Variants in CACNA1D observed in about 807,000 individuals in gnomAD.
CACNA1D encodes calcium voltage-gated channel subunit alpha1 D, also known as voltage-dependent L-type calcium channel subunit alpha-1D.
In CACNA1D, 55 loss-of-function variants were observed where a neutral mutation model predicts 257.1. The ratio of observed to expected loss-of-function variants is 0.21; its 90% CI spans 0.17 to 0.27. The LOEUF is 0.27. Among genes scored for constraint, CACNA1D ranks in the 10% least tolerant of loss-of-function variants. The pLI is 1.00. For missense variants in CACNA1D, 1,876 were observed against 2,784.0 expected (o/e 0.67, Z 7.34); for synonymous variants, 980 against 1,014.9 (o/e 0.97, Z 0.65).
At chr3:53,608,735 A>G (rs1263258202) in intron 3 of CACNA1D, among the ~76,000 whole-genome samples, 2 of 152,176 alleles carry the variant, frequency 1.3e-5, no homozygotes, top group Non-Finnish European at 2.9e-5. Context: ...TAGAATGGTC[A>G]TATGGTTTTC....
chr3:53,733,849 C>G (rs1361560126), intron 19 of CACNA1D, among the ~76,000 whole-genome samples: 2 of 150,108 alleles, frequency 1.3e-5, no homozygotes, highest in African/African-American at 4.9e-5. Flanking sequence ...CAGCTCACCA[C>G]TGTTTGGGTG....
intron 3 of CACNA1D, among the ~76,000 whole-genome samples, chr3:53,633,349 T>C (rs1054508582): frequency 9.9e-5 from 15 of 152,166 alleles, no homozygotes; most frequent in Non-Finnish European, 1.5e-5. Flanking sequence ...TTAGCCTGTG[T>C]GGTGGCATGT....
At position 53,703,623 on chromosome 3, in the gene CACNA1D, T is replaced by C. The variant is rs547752399; in HGVS notation, c.1390+813T>C. 4.9e-4 allele frequency among the ~76,000 whole-genome samples: 75 copies of C among 152,104 alleles called. No individual in the cohort carries two copies. In the Middle Eastern group the frequency reaches 0.01, roughly 21 times the overall value. On this transcript the variant is annotated intron_variant, in intron 9 of 47. Coordinates refer to ENST00000350061, the MANE Select transcript of CACNA1D (RefSeq NM_001128840.3). ...GTGACTTGCTTCAAATCTAGAAGAG[T>C]TGGATAGGAAGGACCAAGAACGTAC...
At position 53,789,071 on chromosome 3, in the gene CACNA1D, C is replaced by T. The variant is rs3774602; in HGVS notation, c.4923+2119C>T. The stretch of plus-strand genomic sequence containing the variant: ...GAAGGGTCAAATGGCATGAATGATA[C>T]AGCGGCAGGTTGTGGGTTAAAAGAC... On this transcript the variant is annotated intron_variant, in intron 40 of 47. Transcript: ENST00000350061. This position sits in a 1 kb window ranked among gnomAD's most constrained non-coding sequence, Gnocchi z 4.2. Among the ~76,000 whole-genome samples, 75,347 of 152,032 alleles carry T rather than the reference C, an allele frequency of 0.5. 20,728 individuals are homozygous for T. Among genetic ancestry groups the T allele is most frequent in the African/African-American group, 0.75 (30,950 of 41,464 alleles).
intron 22 of CACNA1D, 49 bp downstream of exon 22, chr3:53,743,166 T>G (rs758402222): frequency 1.8e-6 from 2 of 1,099,070 alleles, no homozygotes; most frequent in Non-Finnish European, 2.8e-6. Flanking sequence ...GAATGGTTTA[T>G]GTAAGGGATT....
intron 39 of CACNA1D, chr3:53,783,181 A>G (rs780901215): frequency 1.3e-5 from 2 of 152,038 alleles, no homozygotes; most frequent in Non-Finnish European, 2.9e-5. Context: ...TCCACCTCAC[A>G]TCTCTCTTGG....
chr3:53,743,572 C>A (rs1462215615), intron 22 of CACNA1D, among the ~76,000 whole-genome samples: 2 of 152,196 alleles, frequency 1.3e-5, no homozygotes, highest in Non-Finnish European at 2.9e-5. Context: ...CCTGCTAGGA[C>A]TTTTTCTTTG....
intron 4 of CACNA1D, among the ~76,000 whole-genome samples, chr3:53,658,495 A>G (rs1049521680): frequency 2.6e-5 from 4 of 152,244 alleles, no homozygotes; most frequent in Non-Finnish European, 4.4e-5. Flanking sequence ...AGAACAAGGA[A>G]TAAAGGGACC....
At chr3:53,657,383 C>T (rs988534474) in intron 4 of CACNA1D, among the ~76,000 whole-genome samples, 2 of 151,890 alleles carry the variant, frequency 1.3e-5, no homozygotes, top group African/African-American at 4.8e-5. Context: ...GGCTGAGCTT[C>T]AAGGGAAGCT....
chr3:53,710,769 A>G (rs1022433990), intron 9 of CACNA1D, among the ~76,000 whole-genome samples: 1 of 152,236 alleles, frequency 6.6e-6, no homozygotes, highest in Non-Finnish European at 1.5e-5. Flanking sequence ...AGACTTTTAA[A>G]ATACTTTTCC....
Position 53,803,626 on chromosome 3 carries a change from G to T in CACNA1D, c.5585+54G>T, listed in dbSNP as rs367964150. Reference sequence around the variant, plus strand: ...GGGAGGCCGCCCTGCCCTGGTGCTCGGCCCACTCCGGAAGCCAGGGCCACC... The same window carrying T: ...GGGAGGCCGCCCTGCCCTGGTGCTCTGCCCACTCCGGAAGCCAGGGCCACC... On this transcript the variant is annotated intron_variant, in intron 44 of 47. Transcript: ENST00000350061. 3 of 1,586,518 alleles carry T rather than the reference G, an allele frequency of 1.9e-6. No homozygotes were observed. The Admixed American group carries it at 5.0e-5, about 26-fold the overall frequency.
intron 8 of CACNA1D, among the ~76,000 whole-genome samples, chr3:53,696,632 G>A (rs1182607855): frequency 6.6e-6 from 1 of 152,224 alleles, no homozygotes; most frequent in Admixed American, 6.5e-5. Context: ...GCCAGAGAAT[G>A]TGTCACCAAA....
intron 5 of CACNA1D, among the ~76,000 whole-genome samples, chr3:53,664,420 C>G (rs1458837714): frequency 6.6e-6 from 1 of 152,212 alleles, no homozygotes; most frequent in Non-Finnish European, 1.5e-5. Flanking sequence ...CTGCTGCTGT[C>G]CTGTTGGTCT....
intron 9 of CACNA1D, among the ~76,000 whole-genome samples, chr3:53,714,628 T>C (rs2094799417): frequency 6.6e-6 from 1 of 152,214 alleles, no homozygotes; most frequent in South Asian, 2.1e-4. Flanking sequence ...CTCGTTTGGC[T>C]TTTTGGAACT....
At chr3:53,591,067 A>G (rs1171329576) in intron 3 of CACNA1D, among the ~76,000 whole-genome samples, 2 of 152,098 alleles carry the variant, frequency 1.3e-5, no homozygotes, top group Non-Finnish European at 2.9e-5. Flanking sequence ...CACTTCCCAC[A>G]TCACTCAGTC....
At chr3:53,547,128 T>C (rs1338757445) in intron 3 of CACNA1D, among the ~76,000 whole-genome samples, 1 of 152,138 alleles carries the variant, frequency 6.6e-6, no homozygotes, top group Non-Finnish European at 1.5e-5. Context: ...GCTGAATAAA[T>C]GTCAAAATCA....
At chr3:53,777,821 C>G (rs2095406295) in intron 37 of CACNA1D, among the ~76,000 whole-genome samples, 1 of 152,216 alleles carries the variant, frequency 6.6e-6, no homozygotes, top group Admixed American at 6.5e-5. Flanking sequence ...TTTCCTTCCA[C>G]AGAACTCACG....
intron 3 of CACNA1D, among the ~76,000 whole-genome samples, chr3:53,646,448 A>G (rs1411954531): frequency 6.6e-6 from 1 of 152,196 alleles, no homozygotes; most frequent in Non-Finnish European, 1.5e-5. Context: ...AATAGCCTCT[A>G]CATGTCTAGA....
chr3:53,553,444 A>G (rs891069642), intron 3 of CACNA1D, among the ~76,000 whole-genome samples: 7 of 152,152 alleles, frequency 4.6e-5, no homozygotes, highest in Non-Finnish European at 1.0e-4. Flanking sequence ...CATTCATCAA[A>G]GGCATTTGCT....
Sources: allele counts gnomAD v4.1 joint callset (sites outside exome capture counted in the v4.1 genomes callset), GRCh38; gene constraint gnomAD v4.1.1; non-coding constraint Gnocchi (gnomAD v3.1); transcripts MANE v1.5; gene names NCBI Gene and HGNC (gene_info 2026-07-23, HGNC 2026-07-21).